Variants in ZC3H12B observed in about 807,000 individuals in gnomAD.
The protein encoded by ZC3H12B is probable ribonuclease ZC3H12B.
Under a neutral mutation model 43.9 loss-of-function variants are expected in ZC3H12B, and 7 were observed. The ratio of observed to expected loss-of-function variants is 0.16; its 90% CI spans 0.09 to 0.30. ZC3H12B has a LOEUF of 0.30. Ranked by LOEUF, ZC3H12B falls within the 10% of genes least tolerant of loss-of-function variation. The pLI is 1.00. For synonymous variants in ZC3H12B, 222 were observed against 241.7 expected, an observed-to-expected ratio of 0.92 and a Z score of 0.76; for missense variants, 475 against 670.2, an observed-to-expected ratio of 0.71 and a Z score of 3.22.
At chrX:65,475,914 G>T (rs2067985987) in intron 3 of ZC3H12B, among the ~76,000 whole-genome samples, 1 of 111,985 alleles carries the variant, frequency 8.9e-6, no homozygotes, top group Non-Finnish European at 1.9e-5. Flanking sequence ...TACAATTCCA[G>T]GTGAGATTTG....
At chrX:65,229,478 G>A in the ZC3H12B span, among the ~76,000 whole-genome samples, 1,064 of 108,806 alleles carry the variant, frequency 9.8e-3, 14 homozygotes, top group African/African-American at 0.034. Context: ...GCATGGGCAA[G>A]GACTTCATGT....
At chrX:65,087,326 G>A in the ZC3H12B span, among the ~76,000 whole-genome samples, 10 of 111,656 alleles carry the variant, frequency 9.0e-5, no homozygotes, top group Non-Finnish European at 1.1e-4. Context: ...CTTTAGTACT[G>A]AGTTGTTTCA....
the ZC3H12B span, chrX:65,272,657 A>G: frequency 8.9e-6 from 1 of 111,832 alleles, no homozygotes; most frequent in African/African-American, 3.3e-5. Flanking sequence ...TATTTAGTGA[A>G]GAATAGAGCT....
At chrX:65,453,311 G>A (rs186989463) in intron 3 of ZC3H12B, among the ~76,000 whole-genome samples, 26 of 89,213 alleles carry the variant, frequency 2.9e-4, no homozygotes, top group East Asian at 1.1e-3. Context: ...GTTTATAGGC[G>A]CACAATTCTC....
chrX:65,316,223 G>A, the ZC3H12B span, among the ~76,000 whole-genome samples: 1 of 112,026 alleles, frequency 8.9e-6, no homozygotes, highest in African/African-American at 3.2e-5. Context: ...AATAGAGAGA[G>A]ATAAATCAAG....
the ZC3H12B span, among the ~76,000 whole-genome samples, chrX:65,171,155 C>T: frequency 9.0e-6 from 1 of 111,102 alleles, no homozygotes; most frequent in African/African-American, 3.3e-5. Context: ...TGCTTGGTTT[C>T]TCCTCATCTT....
chrX:65,222,877 A>G, the ZC3H12B span, among the ~76,000 whole-genome samples: 1 of 110,671 alleles, frequency 9.0e-6, no homozygotes, highest in Non-Finnish European at 1.9e-5. Context: ...AACTAGAAAA[A>G]AAAATCATCC....
At chrX:65,386,017 C>G (rs770693486) in intron 2 of ZC3H12B, among the ~76,000 whole-genome samples, 2 of 111,989 alleles carry the variant, frequency 1.8e-5, no homozygotes, top group Non-Finnish European at 3.8e-5. Context: ...GGTGGATAAG[C>G]TTTTTGATGT....
At chrX:65,170,349 T>A in the ZC3H12B span, among the ~76,000 whole-genome samples, 3 of 112,101 alleles carry the variant, frequency 2.7e-5, no homozygotes, top group African/African-American at 9.7e-5. Flanking sequence ...TTTAAGATTG[T>A]TGAATATTTG....
the ZC3H12B span, chrX:65,357,622 C>G: frequency 8.9e-6 from 1 of 112,524 alleles, no homozygotes; most frequent in Non-Finnish European, 1.9e-5. Flanking sequence ...AAATAAAATC[C>G]TTTACAGACA....
chrX:65,111,611 G>A, the ZC3H12B span, among the ~76,000 whole-genome samples: 2 of 108,329 alleles, frequency 1.8e-5, no homozygotes, highest in African/African-American at 6.7e-5. Context: ...GCAAGTCTAT[G>A]GGTGCCATTT....
chrX:65,051,310 C>A, the ZC3H12B span, among the ~76,000 whole-genome samples: 1 of 110,857 alleles, frequency 9.0e-6, no homozygotes, highest in Non-Finnish European at 1.9e-5. Flanking sequence ...TTTTATTGAT[C>A]TTTTCTATGT....
chrX:65,433,885 C>T (rs1215928095), intron 3 of ZC3H12B, among the ~76,000 whole-genome samples: 2 of 111,876 alleles, frequency 1.8e-5, no homozygotes, highest in Non-Finnish European at 3.8e-5. Flanking sequence ...GGTCATGATT[C>T]TCTGATTTTA....
the ZC3H12B span, among the ~76,000 whole-genome samples, chrX:65,351,226 T>C: frequency 9.0e-6 from 1 of 111,720 alleles, no homozygotes; most frequent in Non-Finnish European, 1.9e-5. Flanking sequence ...TAGGGAAATC[T>C]TTCCCTATTT....
the ZC3H12B span, among the ~76,000 whole-genome samples, chrX:65,317,382 A>G: frequency 2.7e-5 from 3 of 110,651 alleles, no homozygotes; most frequent in Non-Finnish European, 5.7e-5. Flanking sequence ...ACTCTTTTAA[A>G]TTTTTTTATT....
At chrX:65,254,910 A>G in the ZC3H12B span, among the ~76,000 whole-genome samples, 1 of 112,187 alleles carries the variant, frequency 8.9e-6, no homozygotes, top group Non-Finnish European at 1.9e-5. Flanking sequence ...CAAGAATTTC[A>G]GAATACAATC....
At chrX:65,252,225 T>G in the ZC3H12B span, among the ~76,000 whole-genome samples, 1 of 111,834 alleles carries the variant, frequency 8.9e-6, no homozygotes, top group Non-Finnish European at 1.9e-5. Context: ...TCTGTTTATA[T>G]GCTGGATTAC....
intron 2 of ZC3H12B, among the ~76,000 whole-genome samples, chrX:65,382,147 C>A (rs1449653400): frequency 2.7e-5 from 3 of 110,809 alleles, no homozygotes; most frequent in African/African-American, 3.3e-5. Flanking sequence ...GAGACACAAC[C>A]AAAAAAGAGA....
the ZC3H12B span, among the ~76,000 whole-genome samples, chrX:65,068,841 G>A: frequency 9.0e-6 from 1 of 110,555 alleles, no homozygotes; most frequent in African/African-American, 3.3e-5. Flanking sequence ...TTGTTTTTCT[G>A]GGAAAGTCTT....
Sources: allele counts gnomAD v4.1 joint callset (sites outside exome capture counted in the v4.1 genomes callset), GRCh38; gene constraint gnomAD v4.1.1; transcripts MANE v1.5; gene names NCBI Gene and HGNC (gene_info 2026-07-23, HGNC 2026-07-21).